The following FAM20B variants were observed in gnomAD, a reference collection of about 807,000 sequenced individuals.
The protein encoded by FAM20B is FAM20B glycosaminoglycan xylosylkinase.
FAM20B carries 23 observed loss-of-function variants against 43.8 expected under a neutral mutation model. The observed-to-expected ratio is 0.53, with a 90% confidence interval of 0.38 to 0.74. The LOEUF (loss-of-function observed/expected upper bound fraction) is 0.74. Ranked by LOEUF, FAM20B falls within the 30% of genes least tolerant of loss-of-function variation. The pLI, the probability that FAM20B is intolerant of heterozygous loss-of-function variation, is 0.00. For missense variants in FAM20B, 440 were observed against 510.5 expected (o/e 0.86, Z 1.33); for synonymous variants, 178 against 192.4 (o/e 0.93, Z 0.62).
chr1:179,033,834 A>C (rs4652347), intron 1 of FAM20B, among the ~76,000 whole-genome samples: 71,551 of 151,884 alleles, frequency 0.47, 17,047 homozygotes, highest in South Asian at 0.51. Flanking sequence ...CTGGGACTAC[A>C]GGCATGTGCC....
chr1:179,068,697 C>G (rs1463407078), intron 7 of FAM20B, among the ~76,000 whole-genome samples: 2 of 152,040 alleles, frequency 1.3e-5, no homozygotes, highest in African/African-American at 2.4e-5. Flanking sequence ...GCCTCCCAAA[C>G]TACTGGCATT....
chr1:179,052,407 A>T (rs1368405259), intron 3 of FAM20B, among the ~76,000 whole-genome samples: 1 of 152,206 alleles, frequency 6.6e-6, no homozygotes, highest in African/African-American at 2.4e-5. Flanking sequence ...GGAGGAATAC[A>T]TTGAGATTCA....
At chr1:179,033,202 C>G (rs918219984) in intron 1 of FAM20B, among the ~76,000 whole-genome samples, 18 of 152,250 alleles carry the variant, frequency 1.2e-4, no homozygotes, top group Non-Finnish European at 2.5e-4. Flanking sequence ...GGACATGTGT[C>G]AGTGTGTGAA....
At chr1:179,038,503 C>G (rs1420019875) in intron 1 of FAM20B, among the ~76,000 whole-genome samples, 1 of 152,148 alleles carries the variant, frequency 6.6e-6, no homozygotes, top group Non-Finnish European at 1.5e-5. Flanking sequence ...GAAGCTGACC[C>G]CTTTGTGCCA....
upstream of FAM20B, among the ~76,000 whole-genome samples, chr1:179,023,554 T>C (rs1294186834): frequency 1.3e-5 from 2 of 152,198 alleles, no homozygotes; most frequent in Non-Finnish European, 2.9e-5. Flanking sequence ...CATGGTCTGG[T>C]AGCTCAGTGC....
chr1:179,022,460 G>A (rs942739117), upstream of FAM20B, among the ~76,000 whole-genome samples: 2 of 152,136 alleles, frequency 1.3e-5, no homozygotes, highest in African/African-American at 4.8e-5. Flanking sequence ...GTGTGTGTGT[G>A]TGCGCGCGCG....
At chr1:179,027,357 T>A (rs953751249) in intron 1 of FAM20B, among the ~76,000 whole-genome samples, 1 of 152,244 alleles carries the variant, frequency 6.6e-6, no homozygotes, top group Non-Finnish European at 1.5e-5. Context: ...ATCTTTGAGC[T>A]AAGCTTAGAG....
intron 4 of FAM20B, among the ~76,000 whole-genome samples, chr1:179,062,028 A>G (rs761613801): frequency 2.0e-5 from 3 of 150,442 alleles, no homozygotes; most frequent in South Asian, 2.1e-4. Flanking sequence ...TTTTTTTGAG[A>G]TGGAGTTTTG....
chr1:179,040,179 A>G (rs900005053), intron 1 of FAM20B, among the ~76,000 whole-genome samples: 55 of 151,348 alleles, frequency 3.6e-4, no homozygotes, highest in Non-Finnish European at 5.9e-4. Context: ...TCCTTTCCCC[A>G]CCCTTCCCCC....
intron 1 of FAM20B, among the ~76,000 whole-genome samples, chr1:179,031,165 TATA>T (rs1304798861): frequency 6.6e-6 from 1 of 152,236 alleles, no homozygotes; most frequent in Non-Finnish European, 1.5e-5. Flanking sequence ...AGGAAAATGT[TATA>T]ATATTTGTAA....
intron 7 of FAM20B, among the ~76,000 whole-genome samples, chr1:179,068,337 GTTTGTC>G (rs1651774557): frequency 6.6e-6 from 1 of 152,246 alleles, no homozygotes; most frequent in South Asian, 2.1e-4. Flanking sequence ...AGAATTGTGT[GTTTGTC>G]TTTGAAGATG....
intron 1 of FAM20B, among the ~76,000 whole-genome samples, chr1:179,040,921 C>T (rs1159533637): frequency 4.0e-4 from 61 of 151,254 alleles, no homozygotes; most frequent in African/African-American, 1.3e-3. Flanking sequence ...CAGAGACGCT[C>T]CTCACCTCCC....
intron 2 of FAM20B, among the ~76,000 whole-genome samples, chr1:179,045,247 A>C (rs1650712957): frequency 6.6e-6 from 1 of 152,208 alleles, no homozygotes; most frequent in Non-Finnish European, 1.5e-5. Context: ...AATTAGGTTA[A>C]CATCATGATG....
At chr1:179,040,641 C>T (rs1332657050) in intron 1 of FAM20B, among the ~76,000 whole-genome samples, 6 of 137,988 alleles carry the variant, frequency 4.3e-5, no homozygotes, top group Non-Finnish European at 4.6e-5. Flanking sequence ...ACCTCCCGGA[C>T]GGGGCGGCTG....
chr1:179,038,316 C>T (rs1336041910), intron 1 of FAM20B, among the ~76,000 whole-genome samples: 2 of 150,368 alleles, frequency 1.3e-5, no homozygotes, highest in Admixed American at 6.7e-5. Context: ...GAGGCTGAGG[C>T]AGGAGAATCG....
Position 179,066,864 on chromosome 1 carries a change from G to GTC in FAM20B, c.998+6_998+7insCT. The GTC allele has an allele frequency of 1.3e-6, 2 of 1,595,628 alleles. No homozygotes were observed. The highest frequency in any genetic ancestry group is 1.7e-6 in the Non-Finnish European group (2 of 1,163,184). On this transcript the variant is annotated splice_donor_region_variant and intron_variant, in intron 7 of 7. Transcript: ENST00000263733. ...CCCTCTCTATCAGTGTTGCATGTAA[G>GTC]TTATGCACAGCAAATACATGTGCCT...
the FAM20B span, among the ~76,000 whole-genome samples, chr1:179,019,118 C>T: frequency 1.3e-5 from 2 of 152,210 alleles, no homozygotes; most frequent in Non-Finnish European, 2.9e-5. Flanking sequence ...TGACTCAGTT[C>T]ACCAATTCAA....
chr1:179,064,529 G>T (rs771560531), intron 6 of FAM20B, 33 bp downstream of exon 6: 1 of 1,558,816 alleles, frequency 6.4e-7, no homozygotes, highest in South Asian at 1.1e-5. Flanking sequence ...TGTCAGGGAG[G>T]GGTTTCTGTA....
At chr1:179,035,275 G>A in intron 1 of FAM20B, 1 of 602,988 alleles carries the variant, frequency 1.7e-6, no homozygotes, top group Non-Finnish European at 3.1e-6. Flanking sequence ...TCCAGAGAAT[G>A]GTCTGTCTTC....
Sources: allele counts gnomAD v4.1 joint callset (sites outside exome capture counted in the v4.1 genomes callset), GRCh38; gene constraint gnomAD v4.1.1; transcripts MANE v1.5; gene names NCBI Gene and HGNC (gene_info 2026-07-23, HGNC 2026-07-21).